HRH2: variants seen among roughly 807,000 people sequenced by gnomAD.
The protein encoded by HRH2 is histamine receptor H2, also known as histamine H2 receptor.
A neutral mutation model predicts 20.1 loss-of-function variants in HRH2; 4 were observed. The ratio of observed to expected loss-of-function variants is 0.20; its 90% CI spans 0.10 to 0.45. The LOEUF (loss-of-function observed/expected upper bound fraction) is 0.45, where lower values mean the gene tolerates loss of function less well. Among genes scored for constraint, HRH2 ranks in the 20% least tolerant of loss-of-function variants. HRH2 has a pLI of 0.99. For synonymous variants in HRH2, 197 were observed against 200.7 expected, an observed-to-expected ratio of 0.98 and a Z score of 0.16; for missense variants, 250 against 461.6, an observed-to-expected ratio of 0.54 and a Z score of 4.20.
At position 175,683,479 on chromosome 5, in the gene HRH2, C is replaced by A. The variant is rs1386851071; in HGVS notation, c.246C>A (p.Cys82Ter). 1 of 1,614,110 alleles carries A rather than the reference C, an allele frequency of 6.2e-7. No homozygotes were observed. Among genetic ancestry groups the A allele is most frequent in the African/African-American group, 1.3e-5 (1 of 74,936 alleles). The change falls in exon 2 of 3, where the codon TGC (cysteine) becomes TGA (stop). Residue 82 changes from cysteine to a stop codon, truncating the protein, a stop_gained. Transcript: ENST00000636584. LOFTEE classifies it high-confidence loss of function. ...TCTCTGCCATCTACCAGCTGTCCTG[C>A]AAGTGGAGCTTTGGCAAGGTCTTCT... ...LPFSAIYQLS[C>*]KWSFGKVFCN...
chr5:175,692,288 G>A (rs918491781), intron 2 of HRH2, among the ~76,000 whole-genome samples: 11 of 152,144 alleles, frequency 7.2e-5, no homozygotes, highest in African/African-American at 1.9e-4. Context: ...AAATTTGAGC[G>A]GCATATCATT....
chr5:175,669,987 C>T (rs1252501411), intron 1 of HRH2, among the ~76,000 whole-genome samples: 1 of 152,218 alleles, frequency 6.6e-6, no homozygotes, highest in African/African-American at 2.4e-5. Flanking sequence ...ATTTTACTAA[C>T]CCAGGAGCAG....
In HRH2 at chr5:175,684,231, G is replaced by A; in HGVS notation, c.998G>A (p.Arg333Lys). The A allele has an allele frequency of 6.2e-7, 1 of 1,614,190 alleles. No homozygotes were observed. Among genetic ancestry groups the A allele is most frequent in the Non-Finnish European group, 8.5e-7 (1 of 1,180,040 alleles). ...TCCAGGACCCAAAGCCGAGAACCCA[G>A]GCAACAGGAAGAGAAACCCCTGAAG... Reference protein sequence around the residue: ...QLSRTQSREPRQQEEKPLKLQ... With the variant: ...QLSRTQSREPKQQEEKPLKLQ... The change falls in exon 2 of 3, where the codon AGG (arginine) becomes AAG (lysine). Residue 333 changes from arginine to lysine, a missense_variant. Arg to Lys is a conservative substitution (Grantham distance 26). Transcript: ENST00000636584.
At chr5:175,673,541 G>A (rs891948032) in intron 1 of HRH2, among the ~76,000 whole-genome samples, 2 of 152,116 alleles carry the variant, frequency 1.3e-5, no homozygotes, top group African/African-American at 2.4e-5. Context: ...AAGCAGGAGC[G>A]ACTGACAATG....
At chr5:175,689,597 G>A (rs922845454) in intron 2 of HRH2, among the ~76,000 whole-genome samples, 7 of 152,218 alleles carry the variant, frequency 4.6e-5, no homozygotes, top group African/African-American at 1.7e-4. Flanking sequence ...CAGAAACCTC[G>A]TAAGAACTCA....
intron 1 of HRH2, among the ~76,000 whole-genome samples, chr5:175,665,068 G>C (rs7717100): frequency 0.48 from 73,342 of 152,118 alleles, 19,734 homozygotes; most frequent in African/African-American, 0.73. Flanking sequence ...AATCAGGATG[G>C]CCTGGCTCTT....
intron 2 of HRH2, among the ~76,000 whole-genome samples, chr5:175,696,237 C>T (rs1381910187): frequency 6.6e-6 from 1 of 152,228 alleles, no homozygotes; most frequent in Non-Finnish European, 1.5e-5. Context: ...CAAGTCAGCC[C>T]ATCTCAAAGT....
intron 2 of HRH2, among the ~76,000 whole-genome samples, chr5:175,704,976 A>G (rs1030851527): frequency 6.6e-6 from 1 of 152,108 alleles, no homozygotes; most frequent in African/African-American, 2.4e-5. Context: ...TTTCTGATAC[A>G]TAGAGAATTG....
intron 2 of HRH2, among the ~76,000 whole-genome samples, chr5:175,697,737 T>A (rs1274322488): frequency 6.6e-6 from 1 of 152,170 alleles, no homozygotes; most frequent in Non-Finnish European, 1.5e-5. Flanking sequence ...ACATACAAAT[T>A]CCTCAATCAA....
At chr5:175,694,827 C>T (rs759263919) in intron 2 of HRH2, among the ~76,000 whole-genome samples, 14 of 152,206 alleles carry the variant, frequency 9.2e-5, no homozygotes, top group Non-Finnish European at 1.6e-4. Context: ...TTTCACCCAA[C>T]AGGAGAGTGT....
intron 1 of HRH2, among the ~76,000 whole-genome samples, chr5:175,666,135 G>A (rs893168057): frequency 6.6e-6 from 1 of 152,114 alleles, no homozygotes; most frequent in African/African-American, 2.4e-5. Context: ...GCCTGCCTGA[G>A]CCCTGAGGCC....
chr5:175,664,757 C>T (rs1762837958), intron 1 of HRH2, among the ~76,000 whole-genome samples: 1 of 152,178 alleles, frequency 6.6e-6, no homozygotes, highest in Non-Finnish European at 1.5e-5. Context: ...ACCTCAGCCT[C>T]CCAAGTAGCT....
At chr5:175,672,002 TG>T (rs1335837037) in intron 1 of HRH2, among the ~76,000 whole-genome samples, 2 of 152,166 alleles carry the variant, frequency 1.3e-5, no homozygotes, top group African/African-American at 4.8e-5. Context: ...CACTGTGTTT[TG>T]TTTCCACCCA....
At chr5:175,669,364 C>CTTTTT (rs33964139) in intron 1 of HRH2, among the ~76,000 whole-genome samples, 2 of 133,128 alleles carry the variant, frequency 1.5e-5, no homozygotes. Context: ...TTCTTTCTTT[C>CTTTTT]TTTTTTTTTT....
At position 175,684,293 on chromosome 5, in the gene HRH2, C is replaced by A. The variant is rs546014699; in HGVS notation, c.1060C>A (p.Gln354Lys). 1.2e-6 allele frequency: 2 copies of A among 1,613,946 alleles called. No homozygotes were observed. The highest frequency in any genetic ancestry group is 2.2e-5 in the South Asian group (2 of 91,076). ...VWSGTEVTAP[Q>K]GATDRKPALS... ...GAGTGGGACAGAAGTCACGGCCCCC[C>A]AGGGAGCCACAGACAGGTAATAGCC... The change falls in exon 2 of 3, where the codon CAG (glutamine) becomes AAG (lysine). Residue 354 changes from glutamine to lysine, a missense_variant. Physicochemically the swap from Gln to Lys is moderately conservative, Grantham distance 53. Around this residue, in one of 5 missense-constraint regions of HRH2, gnomAD observed 55 missense variants for 66.9 expected, o/e 0.82. Coordinates refer to ENST00000636584, the MANE Select transcript of HRH2 (RefSeq NM_001367711.1).
intron 2 of HRH2, 137 bp downstream of exon 2, chr5:175,684,446 C>A: frequency 7.9e-7 from 1 of 1,259,490 alleles, no homozygotes; most frequent in Non-Finnish European, 1.1e-6. Flanking sequence ...TTGTAAACAC[C>A]CTCTTGCTTA....
intron 2 of HRH2, among the ~76,000 whole-genome samples, chr5:175,703,367 A>G (rs566165860): frequency 6.6e-6 from 1 of 152,356 alleles, no homozygotes; most frequent in East Asian, 1.9e-4. Flanking sequence ...AAAACATTTT[A>G]AAGTAAACGA....
Position 175,684,168 on chromosome 5 carries a change from C to G in HRH2, c.935C>G (p.Ser312Cys). ...TGCTGCAGGCTGGCCAACCGCAACT[C>G]CCACAAAACTTCTCTGAGGTCCAAC... ...LFCCRLANRN[S>C]HKTSLRSNAS... The change falls in exon 2 of 3, where the codon TCC becomes TGC. Residue 312 changes from serine to cysteine, a missense_variant. This residue lies in a region of HRH2 where 55 missense variants were observed against 66.9 expected (regional missense o/e 0.82). Coordinates refer to ENST00000636584, the MANE Select transcript of HRH2 (RefSeq NM_001367711.1). 1 of 1,614,180 alleles carries G rather than the reference C, an allele frequency of 6.2e-7. No individual in the cohort carries two copies.
At chr5:175,684,466 A>G (rs1422839503) in intron 2 of HRH2, 157 bp downstream of exon 2, 3 of 574,858 alleles carry the variant, frequency 5.2e-6, no homozygotes, top group African/African-American at 2.0e-5. Context: ...AATCCTCCCA[A>G]CGGCCCCCAA....
Sources: gnomAD v4.1 joint callset for allele counts (sites outside exome capture counted in the v4.1 genomes callset) on GRCh38, gnomAD v4.1.1 for gene constraint, gnomAD v4.1.1 regional missense constraint, MANE v1.5 for transcripts, NCBI Gene and HGNC (gene_info 2026-07-23, HGNC 2026-07-21) for gene names.